The following SEMA3E variants were observed in gnomAD, a reference collection of about 807,000 sequenced individuals.
The protein encoded by SEMA3E is semaphorin 3E.
In SEMA3E, 49 loss-of-function variants were observed where a neutral mutation model predicts 93.6. That is an observed-to-expected ratio of 0.52 (90% CI 0.42 to 0.66). The LOEUF is 0.66. SEMA3E is among the 30% of genes least tolerant of loss of function. SEMA3E has a pLI of 0.00. For missense variants in SEMA3E, 906 were observed against 964.8 expected (o/e 0.94, Z 0.81); for synonymous variants, 363 against 330.7 (o/e 1.10, Z -1.06).
chr7:83,558,128 A>G (rs1791958063), intron 1 of SEMA3E, among the ~76,000 whole-genome samples: 1 of 152,148 alleles, frequency 6.6e-6, no homozygotes, highest in African/African-American at 2.4e-5. Context: ...TAATTTAACA[A>G]TCTGGGAGAG....
chr7:83,579,980 G>T (rs958901368), intron 1 of SEMA3E, among the ~76,000 whole-genome samples: 4 of 151,944 alleles, frequency 2.6e-5, no homozygotes, highest in Non-Finnish European at 5.9e-5. Context: ...TCTTGCTTTT[G>T]CTCAGTTTAG....
intron 1 of SEMA3E, among the ~76,000 whole-genome samples, chr7:83,508,695 A>G (rs1348658436): frequency 9.9e-5 from 15 of 152,188 alleles, no homozygotes; most frequent in Non-Finnish European, 1.5e-5. Flanking sequence ...TGACATTTTA[A>G]ATTATATTTT....
intron 1 of SEMA3E, among the ~76,000 whole-genome samples, chr7:83,506,705 A>G (rs540001008): frequency 1.4e-4 from 21 of 152,328 alleles, no homozygotes; most frequent in Admixed American, 1.2e-3. Context: ...ATCATAATGT[A>G]ATCTCCTATG....
intron 1 of SEMA3E, among the ~76,000 whole-genome samples, chr7:83,611,637 G>T (rs1793269696): frequency 6.6e-6 from 1 of 151,542 alleles, no homozygotes; most frequent in Non-Finnish European, 1.5e-5. Context: ...TATCCTACAA[G>T]AATCTACTGG....
intron 1 of SEMA3E, among the ~76,000 whole-genome samples, chr7:83,598,366 C>T (rs928911843): frequency 6.6e-6 from 1 of 152,038 alleles, no homozygotes; most frequent in Non-Finnish European, 1.5e-5. Flanking sequence ...AGAATGCCAC[C>T]ATGATAAATG....
chr7:83,513,812 G>A (rs1427511315), intron 1 of SEMA3E, among the ~76,000 whole-genome samples: 1 of 151,962 alleles, frequency 6.6e-6, no homozygotes, highest in African/African-American at 2.4e-5. Context: ...TATATTGATC[G>A]AGCTGGTAAA....
chr7:83,592,032 T>C (rs188544694), intron 1 of SEMA3E, among the ~76,000 whole-genome samples: 140 of 152,202 alleles, frequency 9.2e-4, no homozygotes, highest in African/African-American at 3.2e-3. Context: ...ATTGTGAGAA[T>C]AGCAATATTC....
intron 1 of SEMA3E, among the ~76,000 whole-genome samples, chr7:83,527,129 T>A (rs1415538837): frequency 6.6e-6 from 1 of 152,060 alleles, no homozygotes; most frequent in East Asian, 1.9e-4. Flanking sequence ...GAGCAATGCA[T>A]CTGCAAGCCA....
At chr7:83,465,311 A>T (rs1789729030) in intron 4 of SEMA3E, among the ~76,000 whole-genome samples, 4 of 152,058 alleles carry the variant, frequency 2.6e-5, no homozygotes, top group Admixed American at 6.6e-5. Context: ...GCCCGCCTGC[A>T]CCCAGGTGAA....
chr7:83,508,455 T>C (rs1790748751), intron 1 of SEMA3E, among the ~76,000 whole-genome samples: 1 of 151,820 alleles, frequency 6.6e-6, no homozygotes, highest in African/African-American at 2.4e-5. Flanking sequence ...AGAGACAGAG[T>C]TTCTCCATGT....
chr7:83,576,208 C>A (rs1220162966), intron 1 of SEMA3E, among the ~76,000 whole-genome samples: 1 of 152,162 alleles, frequency 6.6e-6, no homozygotes, highest in Non-Finnish European at 1.5e-5. Context: ...GGCATATGTG[C>A]AATACCTTGC....
chr7:83,440,745 T>G (rs990801796), intron 4 of SEMA3E, among the ~76,000 whole-genome samples: 3 of 146,986 alleles, frequency 2.0e-5, no homozygotes, highest in Non-Finnish European at 4.4e-5. Flanking sequence ...GAGGTTGCAG[T>G]GAGCTGAGAT....
At chr7:83,593,928 T>A (rs1256575617) in intron 1 of SEMA3E, among the ~76,000 whole-genome samples, 1 of 152,188 alleles carries the variant, frequency 6.6e-6, no homozygotes, top group African/African-American at 2.4e-5. Context: ...TAACTATAAT[T>A]ACCTTCATAT....
intron 2 of SEMA3E, among the ~76,000 whole-genome samples, chr7:83,481,261 T>C (rs527449994): frequency 6.6e-6 from 1 of 152,306 alleles, no homozygotes; most frequent in East Asian, 1.9e-4. Context: ...ATTGTCACAT[T>C]ATGATCAGAA....
At chr7:83,425,403 C>T (rs1170479291) in intron 4 of SEMA3E, among the ~76,000 whole-genome samples, 2 of 152,062 alleles carry the variant, frequency 1.3e-5, no homozygotes, top group Non-Finnish European at 2.9e-5. Context: ...CTGGCACTTA[C>T]TTATTTTGCT....
At position 83,641,023 on chromosome 7, in the gene SEMA3E, A is replaced by G. The variant is rs553468484; in HGVS notation, c.115+7405T>C. Among the ~76,000 whole-genome samples the G allele has an allele frequency of 1.5e-3, 225 of 152,292 alleles. 6 individuals carry two copies. The South Asian group carries it at 0.045, about 31-fold the overall frequency. Reference sequence around the variant, plus strand: ...TGGAGGAGAGAATGTAGATGAAAGAATTCAACTGATGTGTCAGGAGGGTGC... The same window carrying G: ...TGGAGGAGAGAATGTAGATGAAAGAGTTCAACTGATGTGTCAGGAGGGTGC... On this transcript the variant is annotated intron_variant, in intron 1 of 16. Transcript: ENST00000643230.
At chr7:83,495,131 C>T (rs1410876918) in intron 1 of SEMA3E, among the ~76,000 whole-genome samples, 2 of 151,684 alleles carry the variant, frequency 1.3e-5, no homozygotes, top group Non-Finnish European at 2.9e-5. Flanking sequence ...GGCCTGCTGT[C>T]GATAGCTTTT....
At chr7:83,393,322 C>T (rs1054671784) in intron 13 of SEMA3E, among the ~76,000 whole-genome samples, 8 of 151,190 alleles carry the variant, frequency 5.3e-5, no homozygotes, top group African/African-American at 1.9e-4. Flanking sequence ...TTGCTTGAGC[C>T]CAGGAGTTTG....
chr7:83,610,935 C>G (rs1179498277), intron 1 of SEMA3E, among the ~76,000 whole-genome samples: 3 of 152,032 alleles, frequency 2.0e-5, no homozygotes, highest in Non-Finnish European at 4.4e-5. Context: ...CTGATAAACA[C>G]CTTCTCTCTT....
Sources: allele counts gnomAD v4.1 joint callset (sites outside exome capture counted in the v4.1 genomes callset), GRCh38; gene constraint gnomAD v4.1.1; transcripts MANE v1.5; gene names NCBI Gene and HGNC (gene_info 2026-07-23, HGNC 2026-07-21).